Variants in HIGD1B observed in about 807,000 individuals in gnomAD.
HIGD1B encodes HIG1 hypoxia inducible domain family member 1B, also known as HIG1 domain family member 1B.
In HIGD1B, 9 loss-of-function variants were observed where a neutral mutation model predicts 8.8. The ratio of observed to expected loss-of-function variants is 1.02; its 90% confidence interval spans 0.62 to 1.78. HIGD1B has a LOEUF of 1.78. Ranked by LOEUF, HIGD1B falls within the 40% of genes most tolerant of loss-of-function variation. The probability of loss-of-function intolerance (pLI) is 0.00; values close to 1 mark genes in which losing one functional copy is unlikely to be tolerated. For synonymous variants in HIGD1B, 47 were observed against 38.8 expected (o/e 1.21, Z -0.78); for missense variants, 126 against 111.8 (o/e 1.13, Z -0.57).
At chr17:44,846,060 T>G (rs890050238), upstream of HIGD1B, among the ~76,000 whole-genome samples, 4 of 152,180 alleles carry the variant, frequency 2.6e-5, no homozygotes, top group Non-Finnish European at 5.9e-5. Context: ...GACCCAGGCT[T>G]TCTACTCATC....
At chr17:44,845,315 T>C (rs1174420525), upstream of HIGD1B, among the ~76,000 whole-genome samples, 3 of 150,380 alleles carry the variant, frequency 2.0e-5, no homozygotes, top group Non-Finnish European at 4.4e-5. Flanking sequence ...CTAATCCTGA[T>C]CACTGTCATC....
rs1158944738 is a variant in HIGD1B at position 44,850,416 on chromosome 17, G to C, written c.*20G>C. On this transcript the variant is annotated 3_prime_UTR_variant, in exon 3 of 3. Transcript: ENST00000253410. Reference sequence around the variant, plus strand: ...AAGTAGGACTCCTATAGGAGCCGGGGCTGTCCAACTCCCCTAACTCAATCC... The same window carrying C: ...AAGTAGGACTCCTATAGGAGCCGGGCCTGTCCAACTCCCCTAACTCAATCC... 1 of 1,585,852 alleles carries C rather than the reference G, an allele frequency of 6.3e-7. No individual in the cohort carries two copies.
At chr17:44,848,399 G>A in intron 1 of HIGD1B, 147 bp downstream of exon 1, 2 of 610,998 alleles carry the variant, frequency 3.3e-6, no homozygotes, top group East Asian at 2.8e-5. Context: ...GTGCCAAGGG[G>A]CAAACCCTTA....
intron 1 of HIGD1B, 114 bp from the exon 2 acceptor site, chr17:44,849,140 C>A (rs764607004): frequency 1.0e-5 from 13 of 1,285,140 alleles, no homozygotes; most frequent in Non-Finnish European, 1.4e-5. Context: ...CCACCAGATG[C>A]TGCATAAAAC....
At chr17:44,847,584 C>T (rs1186740574), upstream of HIGD1B, among the ~76,000 whole-genome samples, 1 of 152,260 alleles carries the variant, frequency 6.6e-6, no homozygotes, top group Non-Finnish European at 1.5e-5. Flanking sequence ...TTCCTTAGTA[C>T]TCATGTGCAA....
chr17:44,847,742 C>A (rs974894878), upstream of HIGD1B, among the ~76,000 whole-genome samples: 1 of 152,210 alleles, frequency 6.6e-6, no homozygotes, highest in African/African-American at 2.4e-5. Flanking sequence ...GAGAAACCAT[C>A]ACAGACCAAA....
At chr17:44,850,090 T>G (rs2050412507) in intron 2 of HIGD1B, 1 of 420,964 alleles carries the variant, frequency 2.4e-6, no homozygotes, top group African/African-American at 2.0e-5. Context: ...CCTTGCAGGC[T>G]GCTGTGAGGT....
upstream of HIGD1B, among the ~76,000 whole-genome samples, chr17:44,845,638 A>AC (rs2050316386): frequency 2.0e-5 from 3 of 151,676 alleles, no homozygotes; most frequent in Non-Finnish European, 4.4e-5. Context: ...ACAAAACAAA[A>AC]AACCCCAAAA....
chr17:44,848,328 G>A, intron 1 of HIGD1B, 76 bp downstream of exon 1: 1 of 791,766 alleles, frequency 1.3e-6, no homozygotes, highest in Non-Finnish European at 2.2e-6. Context: ...CAAAGAGAAT[G>A]AAGCAGAGGT....
upstream of HIGD1B, among the ~76,000 whole-genome samples, chr17:44,847,044 T>C (rs1167869032): frequency 6.6e-6 from 1 of 150,416 alleles, no homozygotes; most frequent in African/African-American, 2.5e-5. Context: ...TGAGGCAGAA[T>C]TGCTTCAACC....
At chr17:44,849,489 C>A (rs182320972) in intron 2 of HIGD1B, 101 bp downstream of exon 2, 2 of 1,366,144 alleles carry the variant, frequency 1.5e-6, no homozygotes, top group South Asian at 1.3e-5. Context: ...TGGCTGGGCG[C>A]GGTGGTTCAC....
chr17:44,847,905 G>A lies in HIGD1B; in HGVS notation c.-248G>A. On this transcript the variant is annotated 5_prime_UTR_variant, in exon 1 of 3. Transcript: ENST00000253410. ...AGCAGTGAAGACAGAATGAGCTGGG[G>A]AAGAGGCAGATGGTAGGAAATGGAG... 1 of 405,622 alleles carries A rather than the reference G, an allele frequency of 2.5e-6. No individual in the cohort carries two copies. Among genetic ancestry groups the A allele is most frequent in the Non-Finnish European group, 4.5e-6 (1 of 222,356 alleles). 25.1% of individuals were successfully genotyped at this position (405,622 alleles called of 1,614,324 possible). A position where few individuals can be genotyped will look rare whatever the true frequency, so the allele number is the denominator to read the frequency against.
upstream of HIGD1B, among the ~76,000 whole-genome samples, chr17:44,845,605 G>A (rs939345508): frequency 6.6e-6 from 1 of 151,828 alleles, no homozygotes; most frequent in Non-Finnish European, 1.5e-5. Flanking sequence ...GGTGACAGAG[G>A]GAGACCCCAT....
At chr17:44,845,279 A>G (rs572913406), upstream of HIGD1B, among the ~76,000 whole-genome samples, 181 of 149,594 alleles carry the variant, frequency 1.2e-3, 1 homozygote, top group Non-Finnish European at 6.7e-4. Flanking sequence ...AAAAAAAGAA[A>G]GAAATATACT....
intron 2 of HIGD1B, 106 bp from the exon 3 acceptor site, chr17:44,850,226 G>A: frequency 1.3e-6 from 1 of 773,446 alleles, no homozygotes; most frequent in Non-Finnish European, 2.1e-6. Context: ...GCGGGAAGCT[G>A]GACTCTCAAG....
upstream of HIGD1B, among the ~76,000 whole-genome samples, chr17:44,847,455 C>T (rs1292034417): frequency 2.0e-5 from 3 of 152,238 alleles, no homozygotes; most frequent in Non-Finnish European, 4.4e-5. Context: ...GAAGGCATCC[C>T]ATTGGCAGAA....
chr17:44,848,175 G>C lies in HIGD1B; in HGVS notation c.23G>C (p.Trp8Ser), dbSNP rs572095901. The change falls in exon 1 of 3, where the codon TGG becomes TCG. Residue 8 changes from tryptophan (W) to serine (S), a missense_variant. Trp to Ser is a radical substitution (Grantham distance 177, BLOSUM62 -3). Coordinates refer to ENST00000253410, the MANE Select transcript of HIGD1B (RefSeq NM_016438.4). MSANRRW[W>S]VPPDDEDCVS... Reference sequence around the variant, plus strand: ...ATTATGTCTGCTAACAGACGCTGGTGGGTACCACCTGACGACGAAGACTGT... The same window carrying C: ...ATTATGTCTGCTAACAGACGCTGGTCGGTACCACCTGACGACGAAGACTGT... 2.3e-6 allele frequency: 2 copies of C among 872,714 alleles called. No homozygotes were observed. The highest frequency in any genetic ancestry group is 1.6e-5 in the African/African-American group (1 of 61,328). The allele number at this position is 872,714 out of a possible 1,614,324, so 54.1% of individuals were successfully genotyped here. A position where few individuals can be genotyped will look rare whatever the true frequency, so the allele number is the denominator to read the frequency against.
At chr17:44,849,898 T>TGA in intron 2 of HIGD1B, 1 of 186,656 alleles carries the variant, frequency 5.4e-6, no homozygotes, top group East Asian at 1.3e-4. Flanking sequence ...GGACAGTGTC[T>TGA]CATGACAGTT....
chr17:44,847,119 A>G (rs2050330858), upstream of HIGD1B, among the ~76,000 whole-genome samples: 1 of 151,912 alleles, frequency 6.6e-6, no homozygotes, highest in South Asian at 2.1e-4. Flanking sequence ...CCTGGGCTAC[A>G]GAGCGAAACT....
Sources: gnomAD v4.1 joint callset for allele counts (sites outside exome capture counted in the v4.1 genomes callset) on GRCh38, gnomAD v4.1.1 for gene constraint, MANE v1.5 for transcripts, NCBI Gene and HGNC (gene_info 2026-07-23, HGNC 2026-07-21) for gene names.